IQSEC1: variants seen among roughly 807,000 people sequenced by gnomAD.
IQSEC1 encodes IQ motif and Sec7 domain ArfGEF 1, also known as IQ motif and SEC7 domain-containing protein 1.
IQSEC1 carries 31 observed loss-of-function variants against 91.0 expected under a neutral mutation model. The observed-to-expected ratio is 0.34, with a 90% CI of 0.26 to 0.46. IQSEC1 has a LOEUF of 0.46. Among genes scored for constraint, IQSEC1 ranks in the 20% least tolerant of loss-of-function variants. The probability of loss-of-function intolerance (pLI) is 1.00; values close to 1 mark genes in which losing one functional copy is unlikely to be tolerated. For missense variants in IQSEC1, 1,388 were observed against 1,575.6 expected (o/e 0.88, Z 2.02); for synonymous variants, 699 against 662.6 (o/e 1.05, Z -0.84).
intron 1 of IQSEC1, among the ~76,000 whole-genome samples, chr3:13,013,982 G>A (rs1242062674): frequency 6.6e-6 from 1 of 152,194 alleles, no homozygotes; most frequent in Admixed American, 6.5e-5. Flanking sequence ...CTGTGCCTCT[G>A]CTGGGCTGGA....
chr3:13,050,012 C>T lies in IQSEC1; in HGVS notation c.23+22980G>A, dbSNP rs114644627. Among the ~76,000 whole-genome samples, 456 of 151,958 alleles carry T rather than the reference C, an allele frequency of 3.0e-3. 1 individual carries two copies. Among genetic ancestry groups the T allele is most frequent in the African/African-American group, 0.01 (431 of 41,492 alleles). On this transcript the variant is annotated intron_variant, in intron 1 of 13. Transcript: ENST00000613206. ...TGCTGAACCCCACAGCAGGCAGTGG[C>T]CCCTGCCTGCCCTCTCCACTTCTCC...
At chr3:12,964,260 C>A (rs2125501590) in intron 1 of IQSEC1, among the ~76,000 whole-genome samples, 1 of 152,026 alleles carries the variant, frequency 6.6e-6, no homozygotes, top group Non-Finnish European at 1.5e-5. Flanking sequence ...TGAGGACAAA[C>A]AATAAATCAC....
chr3:13,058,545 G>A (rs1704956154), intron 1 of IQSEC1, among the ~76,000 whole-genome samples: 1 of 152,234 alleles, frequency 6.6e-6, no homozygotes, highest in Non-Finnish European at 1.5e-5. Flanking sequence ...CAGCAGGTGA[G>A]GGCTGTCTTT....
intron 2 of IQSEC1, among the ~76,000 whole-genome samples, chr3:13,098,720 A>G (rs1706006562): frequency 6.6e-6 from 1 of 152,218 alleles, no homozygotes; most frequent in Non-Finnish European, 1.5e-5. Flanking sequence ...ATATGGTTCC[A>G]TTTGTATGGA....
At chr3:13,075,698 C>T (rs1005968754), upstream of IQSEC1, among the ~76,000 whole-genome samples, 2 of 152,216 alleles carry the variant, frequency 1.3e-5, no homozygotes, top group African/African-American at 4.8e-5. Context: ...AGATTTTAGG[C>T]TTTTACAAAA....
chr3:13,199,501 C>A (rs1158119258), intron 1 of IQSEC1, among the ~76,000 whole-genome samples: 1 of 152,202 alleles, frequency 6.6e-6, no homozygotes, highest in Non-Finnish European at 1.5e-5. Context: ...ATCCTCCCCA[C>A]AGCCCAGCTC....
chr3:13,050,902 C>T (rs1241638639), intron 1 of IQSEC1, among the ~76,000 whole-genome samples: 1 of 152,170 alleles, frequency 6.6e-6, no homozygotes, highest in Non-Finnish European at 1.5e-5. Context: ...ATTATGTTAA[C>T]ATGCACACAT....
chr3:12,957,407 A>G (rs1699977431), intron 1 of IQSEC1, among the ~76,000 whole-genome samples: 1 of 152,226 alleles, frequency 6.6e-6, no homozygotes, highest in Admixed American at 6.5e-5. Context: ...GCTCACTCGG[A>G]AAGATTTTTC....
intron 1 of IQSEC1, among the ~76,000 whole-genome samples, chr3:13,233,139 G>C (rs1694865071): frequency 1.3e-5 from 2 of 152,332 alleles, no homozygotes; most frequent in African/African-American, 4.8e-5. Context: ...GTTACGCTGT[G>C]TATTTTATCA....
chr3:13,168,025 G>A (rs1330728298), intron 1 of IQSEC1, among the ~76,000 whole-genome samples: 1 of 152,208 alleles, frequency 6.6e-6, no homozygotes, highest in Non-Finnish European at 1.5e-5. Context: ...CCAGGTTTAA[G>A]CCTCACAGGC....
At chr3:12,961,012 G>C (rs917921222) in intron 1 of IQSEC1, among the ~76,000 whole-genome samples, 6 of 152,268 alleles carry the variant, frequency 3.9e-5, no homozygotes, top group African/African-American at 1.4e-4. Context: ...TCCAGCTCCA[G>C]ATGGCACCTC....
At chr3:13,238,881 G>T (rs148713531) in intron 1 of IQSEC1, among the ~76,000 whole-genome samples, 60 of 152,316 alleles carry the variant, frequency 3.9e-4, no homozygotes, top group African/African-American at 1.3e-3. Flanking sequence ...CCTCTGAGTG[G>T]CCCCACATGC....
intron 2 of IQSEC1, among the ~76,000 whole-genome samples, chr3:13,086,031 C>T (rs1033904233): frequency 1.4e-4 from 21 of 152,058 alleles, no homozygotes; most frequent in African/African-American, 3.6e-4. Context: ...GCAGGGCTGG[C>T]GCTGGAGGAC....
At chr3:13,190,193 C>A (rs767562722) in intron 1 of IQSEC1, among the ~76,000 whole-genome samples, 2 of 152,186 alleles carry the variant, frequency 1.3e-5, no homozygotes, top group African/African-American at 2.4e-5. Context: ...CCACAGCCTG[C>A]AGGAAGGAAC....
At chr3:13,238,846 G>A (rs77512186) in intron 1 of IQSEC1, among the ~76,000 whole-genome samples, 3 of 152,188 alleles carry the variant, frequency 2.0e-5, no homozygotes, top group East Asian at 3.9e-4. Flanking sequence ...CCCTGGGAGG[G>A]CTCTGGCCAT....
Position 12,908,274 on chromosome 3 carries a change from T to C in IQSEC1, c.2755+75A>G, listed in dbSNP as rs1435653185. 1.3e-6 allele frequency: 2 copies of C among 1,497,546 alleles called. No individual in the cohort carries two copies. The highest frequency in any genetic ancestry group is 1.8e-6 in the Non-Finnish European group (2 of 1,093,662). 92.8% of individuals were successfully genotyped at this position (1,497,546 alleles called of 1,614,324 possible). A position where few individuals can be genotyped will look rare whatever the true frequency, so the allele number is the denominator to read the frequency against. On this transcript the variant is annotated intron_variant, in intron 12 of 13. Coordinates refer to ENST00000613206, the MANE Select transcript of IQSEC1 (RefSeq NM_001134382.3). The surrounding 1 kb of genome is among the most constrained non-coding windows in gnomAD (Gnocchi z 4.9). ...CGCAGGCCCTGCCCCGCGTGATGCA[T>C]GCCCTGAATGCAGACGCCCTGCCTC...
At chr3:13,196,750 G>GTGTT (rs1491528808) in intron 1 of IQSEC1, among the ~76,000 whole-genome samples, 1 of 9,808 alleles carries the variant, frequency 1.0e-4, no homozygotes, top group African/African-American at 7.0e-4. Flanking sequence ...ATGTGTGTGC[G>GTGTT]TGTGTGTGTG....
At chr3:13,017,787 G>A (rs1056953348) in intron 1 of IQSEC1, among the ~76,000 whole-genome samples, 7 of 152,274 alleles carry the variant, frequency 4.6e-5, no homozygotes, top group African/African-American at 1.2e-4. Flanking sequence ...TGAGGCCCAC[G>A]GGTGAAAGGG....
chr3:12,933,891 A>C (rs1464015468), intron 3 of IQSEC1, among the ~76,000 whole-genome samples: 2 of 152,174 alleles, frequency 1.3e-5, no homozygotes, highest in Non-Finnish European at 2.9e-5. Context: ...ATAAGAAAGA[A>C]TCTACACAGA....
Sources: gnomAD v4.1 joint callset for allele counts (sites outside exome capture counted in the v4.1 genomes callset) on GRCh38, gnomAD v4.1.1 for gene constraint, Gnocchi (gnomAD v3.1) non-coding constraint, MANE v1.5 for transcripts, NCBI Gene and HGNC (gene_info 2026-07-23, HGNC 2026-07-21) for gene names.